DDX10: variants seen among roughly 807,000 people sequenced by gnomAD.
The protein encoded by DDX10 is DEAD-box helicase 10, also known as probable ATP-dependent RNA helicase DDX10.
In DDX10, 74 loss-of-function variants were observed where a neutral mutation model predicts 104.3. That is an observed-to-expected ratio of 0.71 (90% CI 0.59 to 0.86). The LOEUF (loss-of-function observed/expected upper bound fraction) is 0.86. DDX10 is among the 40% of genes least tolerant of loss of function. DDX10 has a pLI of 0.00. For synonymous variants in DDX10, 351 were observed against 353.4 expected (o/e 0.99, Z 0.08); for missense variants, 952 against 1,040.0 (o/e 0.92, Z 1.16).
chr11:108,697,849 A>G (rs533867774), intron 9 of DDX10, among the ~76,000 whole-genome samples: 145 of 152,332 alleles, frequency 9.5e-4, no homozygotes, highest in Admixed American at 1.6e-3. Flanking sequence ...GACATCAGAT[A>G]TTCTCAACTT....
At chr11:108,876,836 T>G (rs920895391) in intron 16 of DDX10, among the ~76,000 whole-genome samples, 12 of 152,094 alleles carry the variant, frequency 7.9e-5, no homozygotes, top group Admixed American at 7.9e-4. Flanking sequence ...GACCAGCATA[T>G]GGGTGTTAAA....
chr11:108,831,917 G>A (rs530860801), intron 13 of DDX10, among the ~76,000 whole-genome samples: 8 of 152,034 alleles, frequency 5.3e-5, no homozygotes, highest in Non-Finnish European at 1.2e-4. Context: ...CACTGAGAGT[G>A]ACTACCAATT....
At chr11:108,784,356 G>A (rs2134542308) in intron 13 of DDX10, among the ~76,000 whole-genome samples, 1 of 152,018 alleles carries the variant, frequency 6.6e-6, no homozygotes, top group South Asian at 2.1e-4. Flanking sequence ...GGTGTGAGAT[G>A]GTATCTCTTT....
chr11:108,694,173 T>C (rs2134452078), intron 9 of DDX10, among the ~76,000 whole-genome samples: 1 of 152,336 alleles, frequency 6.6e-6, no homozygotes, highest in South Asian at 2.1e-4. Context: ...AATTTTCCAT[T>C]TAATATATTT....
intron 6 of DDX10, among the ~76,000 whole-genome samples, chr11:108,684,711 T>C (rs2094240936): frequency 7.0e-6 from 1 of 142,616 alleles, no homozygotes; most frequent in Non-Finnish European, 1.5e-5. Context: ...TTTGGGTATA[T>C]ACCCAGTAAT....
intron 13 of DDX10, among the ~76,000 whole-genome samples, chr11:108,792,409 T>C (rs918545120): frequency 2.0e-5 from 3 of 152,226 alleles, no homozygotes; most frequent in African/African-American, 7.2e-5. Context: ...TTTAGGCATA[T>C]GATCCATTTT....
intron 16 of DDX10, among the ~76,000 whole-genome samples, chr11:108,862,810 A>G (rs79291569): frequency 6.6e-6 from 1 of 151,748 alleles, no homozygotes; most frequent in Non-Finnish European, 1.5e-5. Context: ...TCTTCATGCT[A>G]TCTGATAGGA....
chr11:108,738,127 T>C (rs909999171), intron 13 of DDX10, among the ~76,000 whole-genome samples: 1 of 151,772 alleles, frequency 6.6e-6, no homozygotes, highest in Middle Eastern at 3.2e-3. Flanking sequence ...CATCTTTTGA[T>C]CTATCTGAAC....
At chr11:108,832,039 A>G (rs962516962) in intron 13 of DDX10, among the ~76,000 whole-genome samples, 1 of 152,146 alleles carries the variant, frequency 6.6e-6, no homozygotes, top group African/African-American at 2.4e-5. Flanking sequence ...ATTGTCAGCT[A>G]ATCTTTCATT....
At chr11:108,789,709 TC>T (rs2134546932) in intron 13 of DDX10, among the ~76,000 whole-genome samples, 1 of 152,324 alleles carries the variant, frequency 6.6e-6, no homozygotes, top group South Asian at 2.1e-4. Flanking sequence ...AGGATGCTTT[TC>T]ACTGCAGGTA....
In DDX10 at chr11:108,917,917, T is replaced by A; in HGVS notation, c.2349T>A (p.Asp783Glu). 1 of 1,612,926 alleles carries A rather than the reference T, an allele frequency of 6.2e-7. No individual in the cohort carries two copies. The highest frequency in any genetic ancestry group is 8.5e-7 in the Non-Finnish European group (1 of 1,179,974). ...EEAFLDWSDD[D>E]DDDDDGFDPS... ...CCTTTCTGGATTGGAGTGATGATGA[T>A]GATGATGATGATGATGGATTTGATC... Residue 783 changes from aspartate (D) to glutamate (E), a missense_variant, in exon 17 of 18, where the codon GAT becomes GAA. By Grantham distance (45) the Asp-to-Glu change is conservative. This residue lies in a region of DDX10 where 533 missense variants were observed against 534.1 expected (regional missense o/e 1.00). Coordinates refer to ENST00000322536, the MANE Select transcript of DDX10 (RefSeq NM_004398.4).
At chr11:108,829,719 C>G (rs1162307255) in intron 13 of DDX10, among the ~76,000 whole-genome samples, 1 of 152,126 alleles carries the variant, frequency 6.6e-6, no homozygotes, top group African/African-American at 2.4e-5. Flanking sequence ...GGTTTCAGAT[C>G]GTATTTAAGT....
At chr11:108,769,145 G>A (rs933296643) in intron 13 of DDX10, among the ~76,000 whole-genome samples, 2 of 150,422 alleles carry the variant, frequency 1.3e-5, no homozygotes, top group African/African-American at 2.4e-5. Flanking sequence ...CATATTTCCT[G>A]TGTCTGAGGA....
At chr11:108,900,347 A>G (rs1159289338) in intron 16 of DDX10, among the ~76,000 whole-genome samples, 2 of 152,204 alleles carry the variant, frequency 1.3e-5, no homozygotes, top group Non-Finnish European at 1.5e-5. Context: ...ACACCTGGCT[A>G]AAATAATGGC....
intron 16 of DDX10, among the ~76,000 whole-genome samples, chr11:108,866,429 A>G (rs971866498): frequency 6.6e-6 from 1 of 152,098 alleles, no homozygotes; most frequent in African/African-American, 2.4e-5. Flanking sequence ...AGCAGCTTGG[A>G]AGGTCACTTT....
At chr11:108,705,806 T>G (rs2094275019) in intron 9 of DDX10, among the ~76,000 whole-genome samples, 1 of 152,194 alleles carries the variant, frequency 6.6e-6, no homozygotes, top group Admixed American at 6.5e-5. Flanking sequence ...ATTAAGGTAT[T>G]GGGAAAATCT....
chr11:108,706,629 C>G, intron 9 of DDX10, 110 bp from the exon 10 acceptor site: 1 of 809,800 alleles, frequency 1.2e-6, no homozygotes, highest in Non-Finnish European at 2.1e-6. Context: ...CAGTCTCTGA[C>G]ATTTATGGTT....
chr11:108,871,470 C>G (rs1863080950), intron 16 of DDX10, among the ~76,000 whole-genome samples: 1 of 152,130 alleles, frequency 6.6e-6, no homozygotes. Context: ...CCTTTTCTTT[C>G]CAGCATACTC....
chr11:108,746,295 A>G (rs1192063968), intron 13 of DDX10, among the ~76,000 whole-genome samples: 1 of 151,644 alleles, frequency 6.6e-6, no homozygotes, highest in East Asian at 1.9e-4. Context: ...ATGGAATCAC[A>G]GTAAGTGTCT....
Sources: allele counts gnomAD v4.1 joint callset (sites outside exome capture counted in the v4.1 genomes callset), GRCh38; gene constraint gnomAD v4.1.1; regional missense constraint gnomAD v4.1.1; transcripts MANE v1.5; gene names NCBI Gene and HGNC (gene_info 2026-07-23, HGNC 2026-07-21).